Variants in ARPC2 observed in about 807,000 individuals in gnomAD.
The protein encoded by ARPC2 is actin-related protein 2/3 complex subunit 2.
In ARPC2, 4 loss-of-function variants were observed where a neutral mutation model predicts 38.6. The ratio of observed to expected loss-of-function variants is 0.10; its 90% CI spans 0.05 to 0.24. The LOEUF is 0.24. Ranked by LOEUF, ARPC2 falls within the 10% of genes least tolerant of loss-of-function variation. The pLI is 1.00. For missense variants in ARPC2, 229 were observed against 387.3 expected (o/e 0.59, Z 3.43); for synonymous variants, 125 against 140.8 (o/e 0.89, Z 0.79).
chr2:218,230,276 C>CTT (rs1404910498), intron 4 of ARPC2, among the ~76,000 whole-genome samples: 24 of 112,462 alleles, frequency 2.1e-4, no homozygotes, highest in African/African-American at 7.1e-4. Context: ...CCAGCCTTTT[C>CTT]TTTTTTTTTT....
intron 3 of ARPC2, among the ~76,000 whole-genome samples, chr2:218,226,186 G>A (rs575039817): frequency 1.0e-4 from 15 of 150,610 alleles, no homozygotes; most frequent in African/African-American, 2.9e-4. Context: ...CCAGCTACTC[G>A]GAAGGCTGAG....
intron 4 of ARPC2, chr2:218,233,804 A>G (rs1689701101): frequency 6.6e-6 from 1 of 152,278 alleles, no homozygotes; most frequent in Admixed American, 6.5e-5. Flanking sequence ...AGTACAATGT[A>G]GGATCTGGAG....
intron 2 of ARPC2, among the ~76,000 whole-genome samples, chr2:218,219,661 G>C (rs1689340559): frequency 6.6e-6 from 1 of 152,128 alleles, no homozygotes; most frequent in South Asian, 2.1e-4. Context: ...TTTTTACAAA[G>C]ATATGCATTG....
At chr2:218,228,688 T>C (rs778435708) in intron 3 of ARPC2, 50 bp from the exon 4 acceptor site, 6 of 1,201,086 alleles carry the variant, frequency 5.0e-6, no homozygotes, top group Non-Finnish European at 7.4e-6. Context: ...CTTGGAGAGA[T>C]TATTTCCCAT....
At chr2:218,253,303 C>T (rs1431837826) in intron 10 of ARPC2, among the ~76,000 whole-genome samples, 1 of 152,172 alleles carries the variant, frequency 6.6e-6, no homozygotes, top group Non-Finnish European at 1.5e-5. Flanking sequence ...ACCACCTAGC[C>T]CATCTGGAGA....
intron 2 of ARPC2, among the ~76,000 whole-genome samples, chr2:218,219,461 T>A (rs1689336044): frequency 1.3e-5 from 2 of 151,980 alleles, no homozygotes; most frequent in Non-Finnish European, 2.9e-5. Flanking sequence ...GTGAGTCTCA[T>A]GTCTCGGCTT....
chr2:218,219,029 G>A (rs1212304781), intron 2 of ARPC2, among the ~76,000 whole-genome samples: 1 of 152,096 alleles, frequency 6.6e-6, no homozygotes, highest in African/African-American at 2.4e-5. Flanking sequence ...TAACACATAG[G>A]AGGAAGTTGA....
chr2:218,226,531 A>G (rs1474703658), intron 3 of ARPC2, among the ~76,000 whole-genome samples: 1 of 144,120 alleles, frequency 6.9e-6, no homozygotes, highest in East Asian at 2.2e-4. Flanking sequence ...CCGGAGGCCG[A>G]GGCAGGAGAA....
intron 5 of ARPC2, among the ~76,000 whole-genome samples, chr2:218,238,011 A>G (rs1331853464): frequency 3.3e-5 from 5 of 152,232 alleles, no homozygotes; most frequent in African/African-American, 1.2e-4. Context: ...TCTGCAAAAC[A>G]GTAACCTTAT....
At chr2:218,237,489 G>A (rs935658563) in intron 5 of ARPC2, among the ~76,000 whole-genome samples, 21 of 146,708 alleles carry the variant, frequency 1.4e-4, no homozygotes, top group African/African-American at 5.1e-4. Context: ...TTGAGCCACT[G>A]TGCCCAGACC....
At chr2:218,218,101 G>C (rs1380749619) in intron 2 of ARPC2, among the ~76,000 whole-genome samples, 1 of 152,158 alleles carries the variant, frequency 6.6e-6, no homozygotes, top group African/African-American at 2.4e-5. Context: ...CGCGATCTCT[G>C]GTTTCCCTTC....
At chr2:218,220,695 T>G (rs538744797) in intron 2 of ARPC2, among the ~76,000 whole-genome samples, 1 of 151,644 alleles carries the variant, frequency 6.6e-6, no homozygotes, top group South Asian at 2.1e-4. Context: ...CAGCTTTCTT[T>G]TGGGTAAAGC....
At chr2:218,248,089 AT>A (rs1240334545) in intron 8 of ARPC2, among the ~76,000 whole-genome samples, 5 of 151,618 alleles carry the variant, frequency 3.3e-5, no homozygotes. Flanking sequence ...CAGCTATACC[AT>A]TTTTTTCAAG....
intron 4 of ARPC2, 87 bp from the exon 5 acceptor site, chr2:218,234,265 C>T (rs1689715115): frequency 2.9e-6 from 3 of 1,030,596 alleles, no homozygotes; most frequent in Non-Finnish European, 2.9e-6. Context: ...TTAGGAAGAG[C>T]TTGGCAAGTG....
chr2:218,238,762 T>A lies in ARPC2; in HGVS notation c.367T>A (p.Ser123Thr). The A allele has an allele frequency of 6.2e-7, 1 of 1,614,040 alleles. No homozygotes were observed. The highest frequency in any genetic ancestry group is 1.1e-5 in the South Asian group (1 of 91,074). The stretch of plus-strand genomic sequence containing the variant: ...CATGTTGAAGCGAAATTGTTTTGCC[T>A]CTGTCTTTGAAAAATACTTCCAATT... ...AGMLKRNCFA[S>T]VFEKYFQFQE... Residue 123 changes from serine (S) to threonine (T), a missense_variant, in exon 6 of 11, where the codon TCT becomes ACT. Transcript: ENST00000315717.
chr2:218,233,905 CTATAA>C (rs1372577308), intron 4 of ARPC2: 1 of 154,480 alleles, frequency 6.5e-6, no homozygotes, highest in Non-Finnish European at 1.4e-5. Flanking sequence ...TGGCTCATGC[CTATAA>C]TCCCAGCACT....
intron 8 of ARPC2, 145 bp downstream of exon 8, chr2:218,245,691 A>G: frequency 9.3e-7 from 1 of 1,070,240 alleles, no homozygotes; most frequent in South Asian, 1.5e-5. Context: ...TGCAGTGACT[A>G]AAGGAGGGAT....
At chr2:218,221,081 G>T (rs936953654) in intron 2 of ARPC2, among the ~76,000 whole-genome samples, 1 of 152,200 alleles carries the variant, frequency 6.6e-6, no homozygotes, top group South Asian at 2.1e-4. Flanking sequence ...ACCAAGAACC[G>T]TTTCATAACT....
At chr2:218,253,113 C>A in intron 10 of ARPC2, 1 of 388,882 alleles carries the variant, frequency 2.6e-6, no homozygotes, top group South Asian at 1.9e-5. Context: ...CACTCAGGAG[C>A]TTTTCATTTG....
Sources: allele counts gnomAD v4.1 joint callset (sites outside exome capture counted in the v4.1 genomes callset), GRCh38; gene constraint gnomAD v4.1.1; transcripts MANE v1.5; gene names NCBI Gene and HGNC (gene_info 2026-07-23, HGNC 2026-07-21).